Variants in VRK2 observed in about 807,000 individuals in gnomAD.
The protein encoded by VRK2 is serine/threonine-protein kinase VRK2.
VRK2 carries 60 observed loss-of-function variants against 57.6 expected under a neutral mutation model. The ratio of observed to expected loss-of-function variants is 1.04; its 90% CI spans 0.85 to 1.29. The LOEUF (loss-of-function observed/expected upper bound fraction) is 1.29. VRK2 is among the 50% of genes most tolerant of loss of function. The pLI is 0.00. For synonymous variants in VRK2, 231 were observed against 199.2 expected (o/e 1.16, Z -1.35); for missense variants, 705 against 588.1 (o/e 1.20, Z -2.06).
chr2:57,928,721 G>T (rs1293066694), intron 1 of VRK2, among the ~76,000 whole-genome samples: 1 of 152,134 alleles, frequency 6.6e-6, no homozygotes, highest in Non-Finnish European at 1.5e-5. Flanking sequence ...AAATTTAAGT[G>T]TTATAATCTA....
At chr2:58,154,318 T>C (rs1683464531) in intron 12 of VRK2, among the ~76,000 whole-genome samples, 1 of 148,190 alleles carries the variant, frequency 6.7e-6, no homozygotes. Context: ...TTGCTTTGGA[T>C]TTCTTTTTTT....
chr2:57,938,647 G>T (rs1187384500), intron 1 of VRK2, among the ~76,000 whole-genome samples: 3 of 151,538 alleles, frequency 2.0e-5, no homozygotes, highest in Admixed American at 6.6e-5. Context: ...CTTCTTTTAG[G>T]TTACTCCCAT....
intron 2 of VRK2, among the ~76,000 whole-genome samples, chr2:58,078,867 T>C (rs1472217483): frequency 6.6e-6 from 1 of 152,116 alleles, no homozygotes; most frequent in Non-Finnish European, 1.5e-5. Context: ...AGAGAAAGGG[T>C]AACTCTGTGT....
intron 3 of VRK2, among the ~76,000 whole-genome samples, chr2:58,040,553 C>T (rs1375184102): frequency 2.0e-5 from 3 of 152,138 alleles, no homozygotes; most frequent in African/African-American, 7.2e-5. Flanking sequence ...GAAATTGTGA[C>T]CCAAAGCGAC....
Position 58,159,538 on chromosome 2 carries a change from A to G in VRK2, c.1372A>G (p.Ser458Gly), listed in dbSNP as rs201239590. ...PSWYKYTSTVSTGITDLESST... is the reference protein window; with the variant it reads ...PSWYKYTSTVGTGITDLESST... ...TTGGTATAAATACACTTCCACAGTC[A>G]GCACGGGGATCACAGACTTAGAAAG... is the stretch of plus-strand genomic sequence containing the variant. Residue 458 changes from serine to glycine, a missense_variant, in exon 13 of 13, where the codon AGC becomes GGC. By Grantham distance (56) the Ser-to-Gly change is moderately conservative (BLOSUM62 0). Coordinates refer to ENST00000340157, the MANE Select transcript of VRK2 (RefSeq NM_006296.7). 5 of 1,613,872 alleles carry G rather than the reference A, an allele frequency of 3.1e-6. No homozygotes were observed. The East Asian group carries it at 1.1e-4, about 36-fold the overall frequency.
intron 12 of VRK2, among the ~76,000 whole-genome samples, chr2:58,149,249 CTA>C (rs1682633388): frequency 6.6e-6 from 1 of 151,592 alleles, no homozygotes; most frequent in Non-Finnish European, 1.5e-5. Flanking sequence ...AAAATTATCT[CTA>C]AATATTTTTG....
intron 2 of VRK2, among the ~76,000 whole-genome samples, chr2:58,078,504 A>G (rs1381494661): frequency 6.6e-6 from 1 of 152,028 alleles, no homozygotes; most frequent in African/African-American, 2.4e-5. Flanking sequence ...AATTATTTTC[A>G]ATACATACCC....
intron 10 of VRK2, among the ~76,000 whole-genome samples, chr2:58,138,570 T>G (rs961067414): frequency 6.6e-6 from 1 of 152,110 alleles, no homozygotes; most frequent in Non-Finnish European, 1.5e-5. Flanking sequence ...CTTTTGAAAT[T>G]TTTCTCTATA....
At chr2:58,109,405 TC>T (rs1467081517) in intron 7 of VRK2, among the ~76,000 whole-genome samples, 1 of 151,452 alleles carries the variant, frequency 6.6e-6, no homozygotes, top group Non-Finnish European at 1.5e-5. Context: ...CTTAAAAGGA[TC>T]TGTAGTAGTC....
In VRK2 at chr2:58,088,409, T is replaced by G; in HGVS notation, c.413T>G (p.Phe138Cys). Residue 138 changes from phenylalanine to cysteine, a missense_variant, in exon 6 of 13, where the codon TTT becomes TGT. Coordinates refer to ENST00000340157, the MANE Select transcript of VRK2 (RefSeq NM_006296.7). ...AAGATCTCAGGCCAGAATGGTACCTTTAAAAAGTCAACTGTCCTGCAATTA... is the reference window on the plus strand; with the variant it reads ...AAGATCTCAGGCCAGAATGGTACCTGTAAAAAGTCAACTGTCCTGCAATTA... Reference protein sequence around the residue: ...LQKISGQNGTFKKSTVLQLGI... With the variant: ...LQKISGQNGTCKKSTVLQLGI... 6.2e-7 allele frequency: 1 copy of G among 1,613,544 alleles called. No individual in the cohort carries two copies.
intron 1 of VRK2, among the ~76,000 whole-genome samples, chr2:57,930,137 C>T (rs536848813): frequency 2.0e-5 from 3 of 152,260 alleles, no homozygotes; most frequent in South Asian, 4.1e-4. Context: ...CAGGACTTGC[C>T]GAAGAATTGC....
chr2:58,094,180 A>C (rs1297716615), intron 7 of VRK2, among the ~76,000 whole-genome samples: 4 of 152,160 alleles, frequency 2.6e-5, no homozygotes, highest in Admixed American at 2.6e-4. Context: ...ACTTTAGAGT[A>C]GTTTTTTCCA....
chr2:57,944,611 C>T (rs1671201324), intron 1 of VRK2, among the ~76,000 whole-genome samples: 1 of 152,110 alleles, frequency 6.6e-6, no homozygotes, highest in Admixed American at 6.5e-5. Context: ...TGGCGGGCGC[C>T]TGTAATCCCA....
At chr2:58,132,642 C>T (rs1679389059) in intron 9 of VRK2, among the ~76,000 whole-genome samples, 1 of 152,130 alleles carries the variant, frequency 6.6e-6, no homozygotes, top group Non-Finnish European at 1.5e-5. Flanking sequence ...CAGTAGTTAT[C>T]CACAGGTAGC....
At chr2:57,946,626 T>A (rs914110905) in intron 1 of VRK2, among the ~76,000 whole-genome samples, 3 of 152,194 alleles carry the variant, frequency 2.0e-5, no homozygotes, top group African/African-American at 7.2e-5. Flanking sequence ...TGGTATTTCA[T>A]AGGTCATATT....
At chr2:57,911,328 T>C (rs1272110448) in intron 1 of VRK2, among the ~76,000 whole-genome samples, 1 of 152,156 alleles carries the variant, frequency 6.6e-6, no homozygotes, top group South Asian at 2.1e-4. Context: ...AGAGTTAAGT[T>C]CCATGGTTAA....
chr2:57,995,268 A>G (rs1672889936), intron 1 of VRK2, among the ~76,000 whole-genome samples: 1 of 152,204 alleles, frequency 6.6e-6, no homozygotes, highest in Non-Finnish European at 1.5e-5. Flanking sequence ...ATAATGGCTC[A>G]CTGAGTTATG....
At chr2:58,024,447 TA>T (rs1169535206) in intron 1 of VRK2, among the ~76,000 whole-genome samples, 1 of 152,188 alleles carries the variant, frequency 6.6e-6, no homozygotes, top group African/African-American at 2.4e-5. Context: ...CTTAAGTGAG[TA>T]AAACCTCAAT....
intron 2 of VRK2, among the ~76,000 whole-genome samples, chr2:58,078,405 G>A (rs1670418682): frequency 6.6e-6 from 1 of 151,970 alleles, no homozygotes; most frequent in Non-Finnish European, 1.5e-5. Context: ...TCTGTCCATG[G>A]CCATTTGGGT....
Sources: allele counts gnomAD v4.1 joint callset (sites outside exome capture counted in the v4.1 genomes callset), GRCh38; gene constraint gnomAD v4.1.1; transcripts MANE v1.5; gene names NCBI Gene and HGNC (gene_info 2026-07-23, HGNC 2026-07-21).